PCDHGA1: variants seen among roughly 807,000 people sequenced by gnomAD.
The protein encoded by PCDHGA1 is protocadherin gamma subfamily A, 1.
PCDHGA1 carries 32 observed loss-of-function variants against 58.0 expected under a neutral mutation model. The ratio of observed to expected loss-of-function variants is 0.55; its 90% CI spans 0.42 to 0.74. The LOEUF is 0.74. Among genes scored for constraint, PCDHGA1 ranks in the 30% least tolerant of loss-of-function variants. The pLI is 0.00. For synonymous variants in PCDHGA1, 498 were observed against 501.1 expected (o/e 0.99, Z 0.08); for missense variants, 1,205 against 1,182.3 (o/e 1.02, Z -0.28).
At chr5:141,362,071 G>T (rs1322302295) in intron 1 of PCDHGA1, 1 of 1,612,812 alleles carries the variant, frequency 6.2e-7, no homozygotes, top group African/African-American at 1.3e-5. Flanking sequence ...GCTGGTCGCT[G>T]TGCGTGATGG....
chr5:141,370,731 C>T (rs757565497), intron 1 of PCDHGA1: 6 of 1,613,798 alleles, frequency 3.7e-6, no homozygotes, highest in Non-Finnish European at 5.1e-6. Context: ...TGCTGAAAAG[C>T]CTTTAAACTT....
chr5:141,482,404 A>C (rs1262544355), intron 1 of PCDHGA1, among the ~76,000 whole-genome samples: 1 of 152,076 alleles, frequency 6.6e-6, no homozygotes, highest in Non-Finnish European at 1.5e-5. Flanking sequence ...GTACTCAATA[A>C]CTATTTGTTG....
intron 1 of PCDHGA1, chr5:141,404,268 C>A (rs1334326806): frequency 1.2e-6 from 2 of 1,613,860 alleles, no homozygotes; most frequent in African/African-American, 2.7e-5. Context: ...ATTCACATCA[C>A]CCTGCAAGTG....
chr5:141,359,404 A>T (rs979392497), intron 1 of PCDHGA1, among the ~76,000 whole-genome samples: 3 of 152,032 alleles, frequency 2.0e-5, no homozygotes, highest in East Asian at 3.8e-4. Context: ...CAAATTTTTT[A>T]AAAAATGTGT....
At chr5:141,347,041 C>CTGTT (rs1757850282) in intron 1 of PCDHGA1, among the ~76,000 whole-genome samples, 1 of 150,154 alleles carries the variant, frequency 6.7e-6, no homozygotes, top group Admixed American at 6.6e-5. Context: ...CTTCCTTCCT[C>CTGTT]TCTCTCTTTC....
At chr5:141,374,161 C>G in intron 1 of PCDHGA1, 1 of 1,612,316 alleles carries the variant, frequency 6.2e-7, no homozygotes, top group South Asian at 1.1e-5. Flanking sequence ...TGTGGGGGGC[C>G]GCGGCAGCGC....
At chr5:141,366,872 A>G in intron 1 of PCDHGA1, 1 of 1,396,140 alleles carries the variant, frequency 7.2e-7, no homozygotes, top group Non-Finnish European at 9.6e-7. Flanking sequence ...GCTGTATTGG[A>G]GATTAATTTT....
chr5:141,367,922 CAACTT>C (rs974333677), intron 1 of PCDHGA1: 11 of 152,168 alleles, frequency 7.2e-5, no homozygotes, highest in East Asian at 1.9e-4. Flanking sequence ...AAAAAGAACT[CAACTT>C]AAAGATGGTT....
intron 1 of PCDHGA1, chr5:141,344,231 C>T (rs1350756695): frequency 1.2e-6 from 2 of 1,613,918 alleles, no homozygotes; most frequent in Non-Finnish European, 1.7e-6. Flanking sequence ...GAGTCCGCAT[C>T]GTCTCCAGAG....
intron 1 of PCDHGA1, chr5:141,418,120 G>A: frequency 6.2e-7 from 1 of 1,614,084 alleles, no homozygotes; most frequent in Non-Finnish European, 8.5e-7. Context: ...TACTTGTGAA[G>A]GACCGAATAG....
intron 1 of PCDHGA1, chr5:141,418,387 G>C (rs1172239604): frequency 1.9e-6 from 3 of 1,613,884 alleles, no homozygotes; most frequent in Non-Finnish European, 2.5e-6. Flanking sequence ...GTCCTAACGA[G>C]TATTTCTCAT....
intron 1 of PCDHGA1, chr5:141,402,990 T>A (rs773089843): frequency 1.6e-5 from 26 of 1,611,934 alleles, no homozygotes; most frequent in Non-Finnish European, 2.0e-5. Context: ...CGCGGAAGAT[T>A]AGTCCTGCTA....
chr5:141,418,980 A>T, intron 1 of PCDHGA1: 1 of 1,614,004 alleles, frequency 6.2e-7, no homozygotes. Flanking sequence ...ACACGGGACC[A>T]AGACTCAGGG....
Position 141,486,319 on chromosome 5 carries a change from C to T in PCDHGA1, c.2422-8488C>T, listed in dbSNP as rs148184642. The T allele has an allele frequency of 1.7e-4, 268 of 1,614,058 alleles. No individual in the cohort carries two copies. The African/African-American group carries it at 1.7e-3, about 10-fold the overall frequency. Reference sequence around the variant, plus strand: ...TGCAGGATCCAGACTCAGGGTCAAACGGAGATGTGAGCCTCCGCATTCCTG... The same window carrying T: ...TGCAGGATCCAGACTCAGGGTCAAATGGAGATGTGAGCCTCCGCATTCCTG... On this transcript the variant is annotated intron_variant, in intron 1 of 3. Transcript: ENST00000517417. The surrounding 1 kb of genome is among the most constrained non-coding windows in gnomAD (Gnocchi z 5.0).
intron 1 of PCDHGA1, chr5:141,378,627 TG>T (rs1588860853): frequency 6.6e-6 from 1 of 152,240 alleles, no homozygotes; most frequent in Admixed American, 6.5e-5. Context: ...GATGACTGAC[TG>T]GTGAATGGGA....
Position 141,431,168 on chromosome 5 carries a change from G to A in PCDHGA1, c.2422-63639G>A, listed in dbSNP as rs779778442. On this transcript the variant is annotated intron_variant, in intron 1 of 3. Coordinates refer to ENST00000517417, the MANE Select transcript of PCDHGA1 (RefSeq NM_018912.3). This position sits in a 1 kb window ranked among gnomAD's most constrained non-coding sequence, Gnocchi z 4.8. Reference sequence around the variant, plus strand: ...CAATGCGCCTTACTTTCGTGAAAGTGAATTAGAAATAAAAATTAGTGAAAA... The same window carrying A: ...CAATGCGCCTTACTTTCGTGAAAGTAAATTAGAAATAAAAATTAGTGAAAA... The A allele has an allele frequency of 9.9e-6, 16 of 1,614,206 alleles. No individual in the cohort carries two copies. The Admixed American group carries it at 1.2e-4, about 12-fold the overall frequency.
At position 141,505,479 on chromosome 5, in the gene PCDHGA1, G is replaced by A; in HGVS notation, c.2567G>A (p.Ser856Asn). 1 of 1,614,228 alleles carries A rather than the reference G, an allele frequency of 6.2e-7. No homozygotes were observed. The highest frequency in any genetic ancestry group is 8.5e-7 in the Non-Finnish European group (1 of 1,180,018). Residue 856 changes from serine to asparagine, a missense_variant and splice_region_variant, in exon 3 of 4, where the codon AGT (serine) becomes AAT (asparagine). Ser to Asn is a conservative substitution (Grantham distance 46, BLOSUM62 1). Coordinates refer to ENST00000517417, the MANE Select transcript of PCDHGA1 (RefSeq NM_018912.3). Reference sequence around the variant, plus strand: ...CAAGCCATGATCTTGGCGTCCGCCAGTGGTAAGTGGTGTCAGTGTGTGTAT... The same window carrying A: ...CAAGCCATGATCTTGGCGTCCGCCAATGGTAAGTGGTGTCAGTGTGTGTAT... Reference protein sequence around the residue: ...MLQAMILASASEAADGSSTLG... With the variant: ...MLQAMILASANEAADGSSTLG...
chr5:141,337,178 T>C (rs1756663678), intron 1 of PCDHGA1, among the ~76,000 whole-genome samples: 2 of 152,198 alleles, frequency 1.3e-5, no homozygotes, highest in South Asian at 4.1e-4. Flanking sequence ...TGCTGGTGAA[T>C]ATAAAATGAC....
rs756770023 is a variant in PCDHGA1 at position 141,383,289 on chromosome 5, T to C, written c.2421+50184T>C. ...AAATAATAGATATTAATGACAACGT[T>C]CCAAGATTCTTGACGGAAGAAATAA... On this transcript the variant is annotated intron_variant, in intron 1 of 3. Coordinates refer to ENST00000517417, the MANE Select transcript of PCDHGA1 (RefSeq NM_018912.3). The C allele has an allele frequency of 1.9e-6, 3 of 1,613,914 alleles. No individual in the cohort carries two copies. In the South Asian group the frequency reaches 3.3e-5, roughly 18 times the overall value.
Sources: gnomAD v4.1 joint callset for allele counts (sites outside exome capture counted in the v4.1 genomes callset) on GRCh38, gnomAD v4.1.1 for gene constraint, Gnocchi (gnomAD v3.1) non-coding constraint, MANE v1.5 for transcripts, NCBI Gene and HGNC (gene_info 2026-07-23, HGNC 2026-07-21) for gene names.